Variants in AK8 observed in about 807,000 individuals in gnomAD.
AK8 encodes the protein adenylate kinase 8.
In AK8, 44 loss-of-function variants were observed where a neutral mutation model predicts 54.6. The ratio of observed to expected loss-of-function variants is 0.81; its 90% CI spans 0.63 to 1.04. The LOEUF is 1.04. AK8 is among the 50% of genes least tolerant of loss of function. AK8 has a pLI of 0.00. For missense variants in AK8, 555 were observed against 613.6 expected (o/e 0.90, Z 1.01); for synonymous variants, 239 against 245.6 (o/e 0.97, Z 0.25).
At chr9:132,800,890 A>G (rs1840416523) in intron 10 of AK8, among the ~76,000 whole-genome samples, 1 of 148,820 alleles carries the variant, frequency 6.7e-6, no homozygotes. Context: ...AGGGGCAGAG[A>G]TGCCCAACAG....
intron 2 of AK8, 44 bp from the exon 3 acceptor site, chr9:132,866,997 G>A: frequency 6.3e-7 from 1 of 1,588,258 alleles, no homozygotes; most frequent in Non-Finnish European, 8.6e-7. Flanking sequence ...AACATGACAA[G>A]CAGCCTCCCA....
intron 10 of AK8, among the ~76,000 whole-genome samples, chr9:132,795,854 C>A (rs1476274332): frequency 2.6e-5 from 4 of 152,174 alleles, no homozygotes; most frequent in African/African-American, 9.7e-5. Flanking sequence ...CTAAGGAGGC[C>A]GCATTTGGCT....
intron 11 of AK8, among the ~76,000 whole-genome samples, chr9:132,729,781 C>G (rs778634539): frequency 6.6e-6 from 1 of 152,200 alleles, no homozygotes; most frequent in East Asian, 1.9e-4. Flanking sequence ...ACGACAACAA[C>G]AAGAAAACAT....
At chr9:132,841,463 T>C (rs567848704) in intron 5 of AK8, among the ~76,000 whole-genome samples, 30 of 152,340 alleles carry the variant, frequency 2.0e-4, no homozygotes, top group African/African-American at 7.2e-4. Context: ...TTTCTTTTTT[T>C]CTTTGCCAGA....
Position 132,826,717 on chromosome 9 carries a change from T to G in AK8, c.757+137A>C. On this transcript the variant is annotated intron_variant, in intron 8 of 12. Transcript: ENST00000298545. This position sits in a 1 kb window ranked among gnomAD's most constrained non-coding sequence, Gnocchi z 4.5. ...ATTTCTGGGCAGGGAACCCGGGTCA[T>G]CTATGTCTTGACTTCCAGGGTCCCA... 1 of 1,021,124 alleles carries G rather than the reference T, an allele frequency of 9.8e-7. No individual in the cohort carries two copies. 63.3% of individuals were successfully genotyped at this position (1,021,124 alleles called of 1,614,324 possible). A position where few individuals can be genotyped will look rare whatever the true frequency, so the allele number is the denominator to read the frequency against.
intron 11 of AK8, among the ~76,000 whole-genome samples, chr9:132,740,528 G>A (rs548037714): frequency 1.3e-5 from 2 of 152,282 alleles, no homozygotes; most frequent in African/African-American, 4.8e-5. Context: ...CTTCTCCAGA[G>A]GTGTGAGACA....
chr9:132,827,152 C>T lies in AK8; in HGVS notation c.557-98G>A, dbSNP rs1005092322. On this transcript the variant is annotated intron_variant, in intron 7 of 12. Coordinates refer to ENST00000298545, the MANE Select transcript of AK8 (RefSeq NM_152572.3). ...GTGCTTGCTGTCCTGGAGGCCAGGCCCTACACATTCCTGGGGTGTGGCTGA... is the reference window on the plus strand; with the variant it reads ...GTGCTTGCTGTCCTGGAGGCCAGGCTCTACACATTCCTGGGGTGTGGCTGA... 3.2e-6 allele frequency: 4 copies of T among 1,240,820 alleles called. No homozygotes were observed. In the East Asian group the frequency reaches 7.0e-5, roughly 22 times the overall value. The allele number at this position is 1,240,820 out of a possible 1,614,324, so 76.9% of individuals were successfully genotyped here. A position where few individuals can be genotyped will look rare whatever the true frequency, so the allele number is the denominator to read the frequency against.
chr9:132,736,164 A>C (rs567573679), intron 11 of AK8, among the ~76,000 whole-genome samples: 24 of 151,306 alleles, frequency 1.6e-4, no homozygotes, highest in South Asian at 1.5e-3. Flanking sequence ...ATGACTGTAC[A>C]TACGATGAAA....
In AK8 at chr9:132,863,752, G is replaced by A. The variant is rs1843481574; in HGVS notation, c.246C>T (p.Asn82=). The A allele has an allele frequency of 6.2e-7, 1 of 1,614,026 alleles. No individual in the cohort carries two copies. The highest frequency in any genetic ancestry group is 1.1e-5 in the South Asian group (1 of 91,062). Residue 82 remains asparagine, a synonymous_variant, in exon 4 of 13, where the codon AAC becomes AAT. Coordinates refer to ENST00000298545, the MANE Select transcript of AK8 (RefSeq NM_152572.3). The stretch of plus-strand genomic sequence containing the variant: ...GGTTCTCCAGGGTGAGGAGACTGCT[G>A]TTCAGATGTTTGCAGAGCCACATTG... ...TIAMWLCKHL[N]SSLLTLENLI...
chr9:132,818,859 A>T (rs535829937), intron 9 of AK8, among the ~76,000 whole-genome samples: 11 of 152,310 alleles, frequency 7.2e-5, no homozygotes, highest in Admixed American at 7.2e-4. Flanking sequence ...TAAAAAAAAA[A>T]AAGTGAGACC....
At chr9:132,765,107 A>G (rs1838660979) in intron 11 of AK8, among the ~76,000 whole-genome samples, 1 of 152,010 alleles carries the variant, frequency 6.6e-6, no homozygotes, top group Non-Finnish European at 1.5e-5. Flanking sequence ...AGCCTGGGCA[A>G]CACGGTGAAA....
rs542915952 is a variant in AK8, at chr9:132,837,641, A to G, written c.403-8915T>C. 6.6e-6 allele frequency among the ~76,000 whole-genome samples: 1 copy of G among 152,242 alleles called. No individual in the cohort carries two copies. The highest frequency in any genetic ancestry group is 1.5e-5 in the Non-Finnish European group (1 of 68,018). Reference sequence around the variant, plus strand: ...GATCTGAGGCATCACACATCCACAGAGCATATCGGAACACGCGTTCCTGTC... The same window carrying G: ...GATCTGAGGCATCACACATCCACAGGGCATATCGGAACACGCGTTCCTGTC... On this transcript the variant is annotated intron_variant, in intron 5 of 12. Transcript: ENST00000298545. The surrounding 1 kb of genome is among the most constrained non-coding windows in gnomAD (Gnocchi z 4.3).
chr9:132,877,110 G>C (rs1263002250), intron 1 of AK8, among the ~76,000 whole-genome samples: 1 of 152,132 alleles, frequency 6.6e-6, no homozygotes, highest in African/African-American at 2.4e-5. Context: ...AACAATCAAT[G>C]TGGAAAACAC....
chr9:132,747,452 A>AT (rs372392224), intron 11 of AK8, among the ~76,000 whole-genome samples: 78 of 122,520 alleles, frequency 6.4e-4, no homozygotes, highest in East Asian at 1.7e-3. Flanking sequence ...TGCACCCAGC[A>AT]TTTTTTTTTT....
intron 2 of AK8, among the ~76,000 whole-genome samples, chr9:132,869,137 G>A (rs556576539): frequency 3.3e-5 from 5 of 152,300 alleles, no homozygotes; most frequent in South Asian, 4.1e-4. Flanking sequence ...CTGAGACTGC[G>A]CCACTGCACT....
intron 11 of AK8, among the ~76,000 whole-genome samples, chr9:132,748,629 C>T (rs1837762863): frequency 6.6e-6 from 1 of 151,942 alleles, no homozygotes. Flanking sequence ...GAGCCAGGCA[C>T]ATTCCTGGCC....
At chr9:132,873,616 A>AT (rs1410299908) in intron 2 of AK8, among the ~76,000 whole-genome samples, 5 of 151,380 alleles carry the variant, frequency 3.3e-5, no homozygotes, top group African/African-American at 1.2e-4. Flanking sequence ...TTTGCGGTCC[A>AT]TTCTTTCTCT....
chr9:132,865,871 T>A (rs1469230521), intron 3 of AK8, among the ~76,000 whole-genome samples: 1 of 151,784 alleles, frequency 6.6e-6, no homozygotes, highest in Non-Finnish European at 1.5e-5. Flanking sequence ...CCATCTCAGA[T>A]GAATGAAATT....
At chr9:132,727,080 A>C (rs1268525019) in intron 12 of AK8, among the ~76,000 whole-genome samples, 1 of 152,066 alleles carries the variant, frequency 6.6e-6, no homozygotes, top group Non-Finnish European at 1.5e-5. Context: ...ACTTGTGCCC[A>C]TGGGGATGTG....
Sources: allele counts gnomAD v4.1 joint callset (sites outside exome capture counted in the v4.1 genomes callset), GRCh38; gene constraint gnomAD v4.1.1; non-coding constraint Gnocchi (gnomAD v3.1); transcripts MANE v1.5; gene names NCBI Gene and HGNC (gene_info 2026-07-23, HGNC 2026-07-21).